Variants in TBC1D22A observed in about 807,000 individuals in gnomAD.
TBC1D22A encodes putative GTPase activator.
In TBC1D22A, 38 loss-of-function variants were observed where a neutral mutation model predicts 60.2. The ratio of observed to expected loss-of-function variants is 0.63; its 90% confidence interval spans 0.49 to 0.83. The LOEUF (loss-of-function observed/expected upper bound fraction) is 0.83. Among genes scored for constraint, TBC1D22A ranks in the 40% least tolerant of loss-of-function variants. The pLI, the probability that TBC1D22A is intolerant of heterozygous loss-of-function variation, is 0.00. For synonymous variants in TBC1D22A, 302 were observed against 281.7 expected, an observed-to-expected ratio of 1.07 and a Z score of -0.72; for missense variants, 628 against 701.0, an observed-to-expected ratio of 0.90 and a Z score of 1.18.
At chr22:46,906,958 C>A (rs1602418699) in intron 7 of TBC1D22A, among the ~76,000 whole-genome samples, 1 of 152,040 alleles carries the variant, frequency 6.6e-6, no homozygotes, top group Non-Finnish European at 1.5e-5. Context: ...GAGCTTTTCT[C>A]TGTGTGTGTA....
chr22:46,797,684 A>G (rs2084717879), intron 4 of TBC1D22A, 64 bp downstream of exon 4: 10 of 1,475,326 alleles, frequency 6.8e-6, no homozygotes, highest in Middle Eastern at 1.8e-4. Context: ...AATAGATCAC[A>G]TCTTAAAGGA....
intron 4 of TBC1D22A, among the ~76,000 whole-genome samples, chr22:46,810,250 T>G (rs2085324819): frequency 6.6e-6 from 1 of 152,256 alleles, no homozygotes; most frequent in South Asian, 2.1e-4. Context: ...TTACAGTGGT[T>G]CCTCAGGGCT....
intron 4 of TBC1D22A, among the ~76,000 whole-genome samples, chr22:46,832,380 G>C (rs1335132017): frequency 1.3e-5 from 2 of 152,266 alleles, no homozygotes; most frequent in Admixed American, 6.5e-5. Context: ...GCCGGGCGCA[G>C]TGGCTCACGC....
At chr22:46,897,635 G>GTTTTTTTT (rs1602366020) in intron 7 of TBC1D22A, among the ~76,000 whole-genome samples, 4 of 125,486 alleles carry the variant, frequency 3.2e-5, no homozygotes, top group African/African-American at 1.1e-4. Context: ...GTTTTGTTTC[G>GTTTTTTTT]TTTTGTTTTT....
At chr22:46,853,913 C>G (rs2087424962) in intron 4 of TBC1D22A, among the ~76,000 whole-genome samples, 1 of 152,178 alleles carries the variant, frequency 6.6e-6, no homozygotes, top group South Asian at 2.1e-4. Context: ...ACTTTCTCAG[C>G]CATGCCGCAT....
At chr22:46,794,695 C>T (rs896304058) in intron 3 of TBC1D22A, among the ~76,000 whole-genome samples, 9 of 152,170 alleles carry the variant, frequency 5.9e-5, no homozygotes, top group African/African-American at 1.7e-4. Context: ...GCAGGTGCCA[C>T]GGTCAAGAGA....
chr22:46,788,014 G>T (rs2084238602), intron 1 of TBC1D22A, among the ~76,000 whole-genome samples: 1 of 146,510 alleles, frequency 6.8e-6, no homozygotes, highest in South Asian at 2.1e-4. Flanking sequence ...TCGGCTCACT[G>T]CAAGCTCTGC....
At chr22:46,782,644 C>T (rs1251299253) in intron 1 of TBC1D22A, among the ~76,000 whole-genome samples, 1 of 152,182 alleles carries the variant, frequency 6.6e-6, no homozygotes, top group Non-Finnish European at 1.5e-5. Context: ...ACTTCCCATT[C>T]TCTCCTCCCC....
At chr22:47,049,362 C>T (rs2063136296) in intron 11 of TBC1D22A, among the ~76,000 whole-genome samples, 1 of 152,276 alleles carries the variant, frequency 6.6e-6, no homozygotes, top group African/African-American at 2.4e-5. Context: ...TTCACGTCCA[C>T]ATCAGGGTCC....
chr22:47,067,779 C>T (rs920662269), intron 11 of TBC1D22A, among the ~76,000 whole-genome samples: 11 of 152,368 alleles, frequency 7.2e-5, no homozygotes, highest in African/African-American at 1.7e-4. Context: ...CACACACTTG[C>T]GCTTGCATAC....
intron 8 of TBC1D22A, among the ~76,000 whole-genome samples, chr22:46,932,851 A>G (rs1478324491): frequency 6.7e-6 from 1 of 148,304 alleles, no homozygotes; most frequent in Non-Finnish European, 1.5e-5. Context: ...CAGCCTCCTG[A>G]TTAGCTGGGA....
At chr22:47,018,202 C>G (rs548635193) in intron 10 of TBC1D22A, among the ~76,000 whole-genome samples, 83 of 152,366 alleles carry the variant, frequency 5.4e-4, no homozygotes, top group African/African-American at 1.9e-3. Context: ...TTCTTCCTAT[C>G]CATGGAAGGG....
Position 47,111,622 on chromosome 22 carries a change from A to G in TBC1D22A, c.1425+19A>G, listed in dbSNP as rs1462936796. ...TTTTCAAGTAAGTAAATGTCTTTTC[A>G]AAAGAACCCAAGTTTGATTTTCTAC... On this transcript the variant is annotated intron_variant, in intron 12 of 12. Transcript: ENST00000337137. 1.9e-6 allele frequency: 3 copies of G among 1,600,566 alleles called. No homozygotes were observed. Among genetic ancestry groups the G allele is most frequent in the Non-Finnish European group, 2.6e-6 (3 of 1,170,126 alleles).
chr22:46,908,196 G>A (rs560617753), intron 7 of TBC1D22A, among the ~76,000 whole-genome samples: 10 of 152,196 alleles, frequency 6.6e-5, no homozygotes, highest in Non-Finnish European at 8.8e-5. Flanking sequence ...CTGTCACTGC[G>A]GACCAGGCAC....
chr22:46,944,886 T>G (rs73890504), intron 8 of TBC1D22A, among the ~76,000 whole-genome samples: 2 of 152,230 alleles, frequency 1.3e-5, no homozygotes, highest in African/African-American at 4.8e-5. Context: ...TTGATTTATT[T>G]TTTAATTCAC....
At chr22:47,019,798 C>T (rs2062020607) in intron 10 of TBC1D22A, among the ~76,000 whole-genome samples, 1 of 151,494 alleles carries the variant, frequency 6.6e-6, no homozygotes. Flanking sequence ...TCCCCTCTGC[C>T]TTAACCCTCC....
intron 4 of TBC1D22A, among the ~76,000 whole-genome samples, chr22:46,835,102 C>T (rs1317601361): frequency 6.6e-6 from 1 of 152,098 alleles, no homozygotes; most frequent in African/African-American, 2.4e-5. Context: ...TGAGAGGCTC[C>T]CAGAATTCCT....
chr22:47,140,508 C>T (rs148455914), intron 12 of TBC1D22A, among the ~76,000 whole-genome samples: 31 of 149,324 alleles, frequency 2.1e-4, no homozygotes, highest in Admixed American at 4.7e-4. Context: ...GCATTGAGAT[C>T]GTGCCACTGC....
chr22:46,853,235 C>T (rs752696534), intron 4 of TBC1D22A, among the ~76,000 whole-genome samples: 1 of 152,154 alleles, frequency 6.6e-6, no homozygotes, highest in Non-Finnish European at 1.5e-5. Flanking sequence ...TCCATCAGCA[C>T]CCCAGCCTGG....
Sources: gnomAD v4.1 joint callset for allele counts (sites outside exome capture counted in the v4.1 genomes callset) on GRCh38, gnomAD v4.1.1 for gene constraint, MANE v1.5 for transcripts, NCBI Gene and HGNC (gene_info 2026-07-23, HGNC 2026-07-21) for gene names.